RPH3A: variants seen among roughly 807,000 people sequenced by gnomAD.
The protein encoded by RPH3A is rabphilin 3A.
Under a neutral mutation model 102.2 loss-of-function variants are expected in RPH3A, and 48 were observed. That is an observed-to-expected ratio of 0.47 (90% CI 0.37 to 0.60). The LOEUF (loss-of-function observed/expected upper bound fraction) is 0.60, where lower values mean the gene tolerates loss of function less well. Ranked by LOEUF, RPH3A falls within the 20% of genes least tolerant of loss-of-function variation. The pLI is 0.00. For missense variants in RPH3A, 781 were observed against 910.1 expected (o/e 0.86, Z 1.83); for synonymous variants, 310 against 324.3 (o/e 0.96, Z 0.47).
chr12:112,686,576 G>A (rs937803997), intron 1 of RPH3A, among the ~76,000 whole-genome samples: 1 of 152,150 alleles, frequency 6.6e-6, no homozygotes, highest in African/African-American at 2.4e-5. Context: ...GAGGCACATG[G>A]CACAGTCTTC....
intron 1 of RPH3A, among the ~76,000 whole-genome samples, chr12:112,676,765 C>T (rs1455537675): frequency 2.0e-5 from 3 of 152,202 alleles, no homozygotes; most frequent in African/African-American, 7.2e-5. Flanking sequence ...GTGCTAATGA[C>T]AGCTGGAAAA....
chr12:112,702,160 G>A lies in RPH3A; in HGVS notation c.-139-89983G>A, dbSNP rs544630182. 1.3e-3 allele frequency among the ~76,000 whole-genome samples: 199 copies of A among 152,304 alleles called. 2 individuals are homozygous for A. Among genetic ancestry groups the A allele is most frequent in the African/African-American group, 4.5e-3 (186 of 41,568 alleles). ...TCAGTTTCAGTGTTATTTTGTATTT[G>A]TTTCCCTTTCCACTTTATAGACATA... On this transcript the variant is annotated intron_variant, in intron 1 of 21. Transcript: ENST00000543106.
chr12:112,591,990 T>C (rs1266354885), intron 1 of RPH3A, among the ~76,000 whole-genome samples: 1 of 152,216 alleles, frequency 6.6e-6, no homozygotes, highest in East Asian at 1.9e-4. Context: ...AGTATTCGCA[T>C]GTAACCTATG....
intron 1 of RPH3A, among the ~76,000 whole-genome samples, chr12:112,660,815 G>C (rs1213075768): frequency 6.6e-6 from 1 of 152,178 alleles, no homozygotes; most frequent in Non-Finnish European, 1.5e-5. Flanking sequence ...TCAAATCTAT[G>C]AAGTCTAGTT....
intron 14 of RPH3A, among the ~76,000 whole-genome samples, chr12:112,879,964 T>C (rs2042878803): frequency 6.6e-6 from 1 of 152,294 alleles, no homozygotes; most frequent in South Asian, 2.1e-4. Flanking sequence ...GTATCTCCCA[T>C]AAGGATAGTT....
At chr12:112,705,760 T>C (rs4766994) in intron 1 of RPH3A, among the ~76,000 whole-genome samples, 36,763 of 152,158 alleles carry the variant, frequency 0.24, 4,818 homozygotes, top group South Asian at 0.37. Context: ...GATTGGGTCT[T>C]ACATCTCAGG....
At chr12:112,826,139 G>T (rs1042043402) in intron 2 of RPH3A, among the ~76,000 whole-genome samples, 4 of 152,124 alleles carry the variant, frequency 2.6e-5, no homozygotes, top group Non-Finnish European at 5.9e-5. Flanking sequence ...CGGTCAGGGA[G>T]GCCCTCTTGG....
At chr12:112,664,701 T>A (rs1285493831) in intron 1 of RPH3A, among the ~76,000 whole-genome samples, 1 of 151,660 alleles carries the variant, frequency 6.6e-6, no homozygotes, top group Non-Finnish European at 1.5e-5. Flanking sequence ...GCAAGAGAGG[T>A]CATCCGCTGG....
Position 112,580,595 on chromosome 12 carries a change from A to T in RPH3A, c.-140+5276A>T, listed in dbSNP as rs1040249722. 2.0e-5 allele frequency among the ~76,000 whole-genome samples: 3 copies of T among 151,144 alleles called. No homozygotes were observed. The South Asian group carries it at 6.3e-4, about 32-fold the overall frequency. On this transcript the variant is annotated intron_variant, in intron 1 of 21. Coordinates refer to the RPH3A transcript ENST00000543106. ...ATTTTTTTTTGTATTTTTAGTAGAG[A>T]TGGGGTTTCACCGTGTAAGCCAGGA... is the stretch of plus-strand genomic sequence containing the variant.
At chr12:112,676,641 G>A (rs906860512) in intron 1 of RPH3A, among the ~76,000 whole-genome samples, 4 of 152,186 alleles carry the variant, frequency 2.6e-5, no homozygotes, top group African/African-American at 9.6e-5. Context: ...CTGAAGAGGT[G>A]GGAGGAAATT....
intron 1 of RPH3A, among the ~76,000 whole-genome samples, chr12:112,773,171 G>A (rs527295112): frequency 5.9e-5 from 9 of 151,676 alleles, no homozygotes; most frequent in South Asian, 2.1e-4. Flanking sequence ...AGTTTCTTTA[G>A]CCACTTGTTG....
At chr12:112,650,255 G>A (rs1158532975) in intron 1 of RPH3A, among the ~76,000 whole-genome samples, 1 of 152,184 alleles carries the variant, frequency 6.6e-6, no homozygotes, top group East Asian at 1.9e-4. Flanking sequence ...TGGACATTGA[G>A]GTGTAGATGT....
At chr12:112,765,578 C>G (rs2040882676) in intron 1 of RPH3A, among the ~76,000 whole-genome samples, 1 of 152,112 alleles carries the variant, frequency 6.6e-6, no homozygotes, top group Non-Finnish European at 1.5e-5. Flanking sequence ...CATTTCTGAG[C>G]CTTGATTTCC....
intron 5 of RPH3A, among the ~76,000 whole-genome samples, chr12:112,849,303 G>A (rs1020316533): frequency 1.3e-5 from 2 of 152,114 alleles, no homozygotes; most frequent in African/African-American, 2.4e-5. Flanking sequence ...CTCCTCGGGT[G>A]GTCACGGAGG....
At chr12:112,791,506 T>A, upstream of RPH3A, 1 of 151,274 alleles carries the variant, frequency 6.6e-6, no homozygotes, top group Non-Finnish European at 1.5e-5. Context: ...CTTCTCTGCC[T>A]AGGGGTTCGC....
chr12:112,839,694 A>G (rs1026122003), intron 4 of RPH3A, among the ~76,000 whole-genome samples: 2 of 152,218 alleles, frequency 1.3e-5, no homozygotes, highest in East Asian at 3.8e-4. Flanking sequence ...GGAGTAGGAA[A>G]ATAGACTCTA....
At chr12:112,651,305 G>A (rs981706742) in intron 1 of RPH3A, among the ~76,000 whole-genome samples, 4 of 151,962 alleles carry the variant, frequency 2.6e-5, no homozygotes, top group African/African-American at 9.7e-5. Context: ...GGTGGAGGCT[G>A]TAGTGAGCAG....
intron 1 of RPH3A, among the ~76,000 whole-genome samples, chr12:112,579,408 G>A (rs1030912087): frequency 2.0e-5 from 3 of 152,038 alleles, no homozygotes; most frequent in African/African-American, 7.2e-5. Context: ...GTGGGCACCC[G>A]TATCATTTGA....
At chr12:112,639,726 G>A (rs1363892365) in intron 1 of RPH3A, among the ~76,000 whole-genome samples, 2 of 152,178 alleles carry the variant, frequency 1.3e-5, no homozygotes, top group East Asian at 1.9e-4. Context: ...AAAGGGCTGA[G>A]TCCTGATCAT....
Sources: gnomAD v4.1 joint callset for allele counts (sites outside exome capture counted in the v4.1 genomes callset) on GRCh38, gnomAD v4.1.1 for gene constraint, MANE v1.5 for transcripts, NCBI Gene and HGNC (gene_info 2026-07-23, HGNC 2026-07-21) for gene names.